Variants in TGFBR3 observed in about 807,000 individuals in gnomAD.
The protein encoded by TGFBR3 is transforming growth factor beta receptor 3.
Under a neutral mutation model 87.9 loss-of-function variants are expected in TGFBR3, and 46 were observed. That is an observed-to-expected ratio of 0.52 (90% confidence interval 0.41 to 0.67). The LOEUF (loss-of-function observed/expected upper bound fraction) is 0.67. Among genes scored for constraint, TGFBR3 ranks in the 30% least tolerant of loss-of-function variants. TGFBR3 has a pLI of 0.00. For missense variants in TGFBR3, 866 were observed against 1,041.9 expected (o/e 0.83, Z 2.32); for synonymous variants, 381 against 391.6 (o/e 0.97, Z 0.32).
intron 10 of TGFBR3, among the ~76,000 whole-genome samples, chr1:91,717,067 G>A (rs967737492): frequency 5.3e-5 from 8 of 152,198 alleles, no homozygotes; most frequent in Non-Finnish European, 1.2e-4. Context: ...TGCCTATACC[G>A]TGAGAAGGGG....
chr1:91,734,740 T>C, intron 5 of TGFBR3, 36 bp downstream of exon 5: 1 of 1,607,950 alleles, frequency 6.2e-7, no homozygotes, highest in Non-Finnish European at 8.5e-7. Flanking sequence ...TTGCCTGTCA[T>C]AAATCAGTCA....
chr1:91,828,433 A>C (rs964347185), intron 2 of TGFBR3, among the ~76,000 whole-genome samples: 2 of 152,228 alleles, frequency 1.3e-5, no homozygotes, highest in African/African-American at 4.8e-5. Context: ...ATAAATGTTC[A>C]GCACTGAAAT....
intron 2 of TGFBR3, among the ~76,000 whole-genome samples, chr1:91,836,640 TTA>T (rs1677079390): frequency 6.6e-6 from 1 of 152,006 alleles, no homozygotes; most frequent in Non-Finnish European, 1.5e-5. Context: ...TGAAACTTTT[TTA>T]TATATAATTA....
upstream of TGFBR3, among the ~76,000 whole-genome samples, chr1:91,887,939 T>C (rs188663733): frequency 1.3e-5 from 2 of 152,342 alleles, no homozygotes; most frequent in Admixed American, 6.5e-5. Context: ...TTAAGATTTC[T>C]CCTAGACTCA....
At chr1:91,742,408 A>G (rs1673188982) in intron 4 of TGFBR3, among the ~76,000 whole-genome samples, 1 of 152,256 alleles carries the variant, frequency 6.6e-6, no homozygotes, top group African/African-American at 2.4e-5. Flanking sequence ...TGTTACCTAC[A>G]GGAAAAGATA....
At chr1:91,849,784 A>G (rs1677648342) in intron 2 of TGFBR3, among the ~76,000 whole-genome samples, 1 of 152,182 alleles carries the variant, frequency 6.6e-6, no homozygotes, top group African/African-American at 2.4e-5. Context: ...AGTTAACTGT[A>G]TTAGAAAAAA....
intron 2 of TGFBR3, among the ~76,000 whole-genome samples, chr1:91,833,156 C>T (rs1676918938): frequency 6.6e-6 from 1 of 151,102 alleles, no homozygotes; most frequent in African/African-American, 2.4e-5. Flanking sequence ...ATTAACCAGT[C>T]TTGGTGGCGG....
At chr1:91,758,771 G>A (rs760846997) in intron 3 of TGFBR3, 21 bp from the exon 4 acceptor site, 3 of 1,613,656 alleles carry the variant, frequency 1.9e-6, no homozygotes, top group Non-Finnish European at 2.5e-6. Context: ...ACAGAAAGAG[G>A]GCAGAAATCT....
At chr1:91,721,049 T>C (rs1324494759) in intron 8 of TGFBR3, among the ~76,000 whole-genome samples, 2 of 152,204 alleles carry the variant, frequency 1.3e-5, no homozygotes, top group East Asian at 1.9e-4. Flanking sequence ...TTCCCCAGTA[T>C]TCTTTATATC....
At position 91,727,698 on chromosome 1, in the gene TGFBR3, C is replaced by T. The variant is rs763068114; in HGVS notation, c.846G>A (p.Val282=). ...TTCCCTTAACATCAAAAGATTTGAT[C>T]ACCCAGTTGACAGACTTTTTGCACT... ...ILKCKKSVNW[V]IKSFDVKGSL... The change falls in exon 7 of 17, where the codon GTG becomes GTA. Residue 282 remains valine (V), a synonymous_variant. Coordinates refer to ENST00000212355, the MANE Select transcript of TGFBR3 (RefSeq NM_003243.5). 15 of 1,614,126 alleles carry T rather than the reference C, an allele frequency of 9.3e-6. No individual in the cohort carries two copies. The South Asian group carries it at 1.2e-4, about 13-fold the overall frequency.
In TGFBR3 at chr1:91,683,867, A is replaced by G. The variant is rs983782148; in HGVS notation, c.2438-10T>C. 2 of 1,589,796 alleles carry G rather than the reference A, an allele frequency of 1.3e-6. No homozygotes were observed. The highest frequency in any genetic ancestry group is 1.7e-6 in the Non-Finnish European group (2 of 1,166,952). On this transcript the variant is annotated splice_polypyrimidine_tract_variant and intron_variant, in intron 16 of 16. Coordinates refer to ENST00000212355, the MANE Select transcript of TGFBR3 (RefSeq NM_003243.5). Reference sequence around the variant, plus strand: ...CTTCCTGCTGTCTCCCCTGCAGTTAATAAAGAAAAGGCAGAGTCAGAGAAA... The same window carrying G: ...CTTCCTGCTGTCTCCCCTGCAGTTAGTAAAGAAAAGGCAGAGTCAGAGAAA...
intron 4 of TGFBR3, among the ~76,000 whole-genome samples, chr1:91,755,818 C>T (rs572397767): frequency 1.3e-5 from 2 of 152,230 alleles, no homozygotes; most frequent in Admixed American, 6.5e-5. Flanking sequence ...ATACGTAGCC[C>T]ACACTTTCAT....
chr1:91,755,174 C>A, intron 4 of TGFBR3: 1 of 152,138 alleles, frequency 6.6e-6, no homozygotes, highest in East Asian at 1.9e-4. Flanking sequence ...ATCTTATCCC[C>A]AAACTTTAAC....
intron 1 of TGFBR3, among the ~76,000 whole-genome samples, chr1:91,885,362 C>A (rs942522712): frequency 8.0e-6 from 1 of 125,780 alleles, no homozygotes. Flanking sequence ...TAAACCGGGG[C>A]GGGGGGGGGC....
intron 2 of TGFBR3, among the ~76,000 whole-genome samples, chr1:91,844,124 G>A (rs1310911515): frequency 1.3e-5 from 2 of 152,154 alleles, no homozygotes; most frequent in Non-Finnish European, 2.9e-5. Context: ...TACATCTCTT[G>A]CTCAGCAACA....
chr1:91,690,212 T>C lies in TGFBR3; in HGVS notation c.2437+5460A>G, dbSNP rs564340816. ...AACATATGGCTATAAGCAAGAGGGG[T>C]TGGCTGAACTATATGAGAAGCAGAA... On this transcript the variant is annotated intron_variant, in intron 16 of 16. Transcript: ENST00000212355. Among the ~76,000 whole-genome samples, 10 of 152,156 alleles carry C rather than the reference T, an allele frequency of 6.6e-5. No homozygotes were observed. In the South Asian group the frequency reaches 1.7e-3, roughly 25 times the overall value.
At chr1:91,815,151 A>C (rs1355115974) in intron 2 of TGFBR3, among the ~76,000 whole-genome samples, 1 of 151,974 alleles carries the variant, frequency 6.6e-6, no homozygotes, top group Non-Finnish European at 1.5e-5. Context: ...AAAATACAAA[A>C]ATTAGCCGAG....
intron 14 of TGFBR3, among the ~76,000 whole-genome samples, chr1:91,707,223 G>T (rs2100747638): frequency 6.6e-6 from 1 of 152,302 alleles, no homozygotes; most frequent in South Asian, 2.1e-4. Flanking sequence ...AGTTAGCAGA[G>T]AAAGCTAAAA....
chr1:91,699,901 G>A (rs969873696), intron 14 of TGFBR3, among the ~76,000 whole-genome samples: 1 of 152,224 alleles, frequency 6.6e-6, no homozygotes, highest in African/African-American at 2.4e-5. Flanking sequence ...ACCAGCGGTT[G>A]AGATATTATG....
Sources: allele counts gnomAD v4.1 joint callset (sites outside exome capture counted in the v4.1 genomes callset), GRCh38; gene constraint gnomAD v4.1.1; transcripts MANE v1.5; gene names NCBI Gene and HGNC (gene_info 2026-07-23, HGNC 2026-07-21).